Variants in CFAP299 observed in about 807,000 individuals in gnomAD.
CFAP299 encodes cilia- and flagella-associated protein 299.
CFAP299 carries 21 observed loss-of-function variants against 27.0 expected under a neutral mutation model. The observed-to-expected ratio is 0.78, with a 90% CI of 0.55 to 1.12. The LOEUF (loss-of-function observed/expected upper bound fraction) is 1.12. Ranked by LOEUF, CFAP299 falls within the 50% of genes most tolerant of loss-of-function variation. CFAP299 has a pLI of 0.00. For synonymous variants in CFAP299, 104 were observed against 98.1 expected, an observed-to-expected ratio of 1.06 and a Z score of -0.36; for missense variants, 310 against 276.6, an observed-to-expected ratio of 1.12 and a Z score of -0.86.
chr4:80,808,394 A>G (rs547390640), intron 3 of CFAP299, among the ~76,000 whole-genome samples: 2 of 152,264 alleles, frequency 1.3e-5, no homozygotes, highest in Middle Eastern at 3.4e-3. Flanking sequence ...AATACTAAAC[A>G]TAGCGCTGTG....
intron 4 of CFAP299, among the ~76,000 whole-genome samples, chr4:80,928,251 C>A (rs547347580): frequency 4.9e-4 from 75 of 152,214 alleles, no homozygotes; most frequent in African/African-American, 1.5e-3. Flanking sequence ...ACCACAGGCA[C>A]AGCCACAGTG....
At chr4:80,899,051 A>C (rs748730520) in intron 4 of CFAP299, among the ~76,000 whole-genome samples, 4 of 152,234 alleles carry the variant, frequency 2.6e-5, no homozygotes, top group African/African-American at 4.8e-5. Context: ...TGGATTTAAC[A>C]GTCTCTGCCC....
At chr4:80,674,379 C>T (rs951983361) in intron 3 of CFAP299, among the ~76,000 whole-genome samples, 2 of 152,056 alleles carry the variant, frequency 1.3e-5, no homozygotes, top group Non-Finnish European at 2.9e-5. Context: ...TAGAGTTTCT[C>T]CCAAGTGATC....
At chr4:80,875,309 C>G (rs776777141) in intron 4 of CFAP299, among the ~76,000 whole-genome samples, 4 of 152,142 alleles carry the variant, frequency 2.6e-5, no homozygotes, top group Non-Finnish European at 5.9e-5. Context: ...GTCAATGTTT[C>G]AGAAACAAAA....
At chr4:80,337,644 G>A (rs996480516) in intron 1 of CFAP299, among the ~76,000 whole-genome samples, 2 of 151,722 alleles carry the variant, frequency 1.3e-5, no homozygotes, top group Admixed American at 6.6e-5. Flanking sequence ...GTGATCCACC[G>A]GCCTCAGCCT....
intron 3 of CFAP299, among the ~76,000 whole-genome samples, chr4:80,760,476 G>T (rs1725487961): frequency 1.3e-5 from 2 of 152,114 alleles, no homozygotes; most frequent in South Asian, 2.1e-4. Flanking sequence ...TGTGCAAATT[G>T]TTCTCACACT....
intron 3 of CFAP299, among the ~76,000 whole-genome samples, chr4:80,733,623 CT>C (rs1229382500): frequency 6.6e-6 from 1 of 152,082 alleles, no homozygotes; most frequent in Non-Finnish European, 1.5e-5. Context: ...TCCCACTACT[CT>C]TCCCAGCCTC....
intron 3 of CFAP299, among the ~76,000 whole-genome samples, chr4:80,665,429 G>A (rs1741099470): frequency 6.6e-6 from 1 of 151,862 alleles, no homozygotes; most frequent in African/African-American, 2.4e-5. Flanking sequence ...CTAAAACTTT[G>A]TAACTTTTCA....
chr4:80,867,320 T>A (rs1578199078), intron 3 of CFAP299, among the ~76,000 whole-genome samples: 1 of 152,214 alleles, frequency 6.6e-6, no homozygotes, highest in Non-Finnish European at 1.5e-5. Context: ...TGTATGTTTT[T>A]TGATCACTTA....
intron 4 of CFAP299, among the ~76,000 whole-genome samples, chr4:80,900,192 A>G (rs11736970): frequency 0.048 from 7,170 of 149,574 alleles, 524 homozygotes; most frequent in African/African-American, 0.15. Flanking sequence ...AGTAGTCTAT[A>G]ACGGAAATGT....
chr4:80,950,576 A>C (rs17005010), intron 5 of CFAP299, among the ~76,000 whole-genome samples: 3,340 of 152,234 alleles, frequency 0.022, 140 homozygotes, highest in African/African-American at 0.076. Flanking sequence ...GTGTTCTGAT[A>C]GGAAGAAAAA....
intron 2 of CFAP299, among the ~76,000 whole-genome samples, chr4:80,576,196 AAATATAT>A (rs1206032903): frequency 2.6e-4 from 34 of 132,372 alleles, no homozygotes; most frequent in East Asian, 4.1e-4. Flanking sequence ...ATAAAAAAAA[AAATATAT>A]ATATATATAT....
chr4:80,422,001 T>G (rs1011920605), intron 2 of CFAP299, among the ~76,000 whole-genome samples: 1 of 152,232 alleles, frequency 6.6e-6, no homozygotes, highest in African/African-American at 2.4e-5. Context: ...AGGGTAGTTT[T>G]GTTTTTTATT....
intron 2 of CFAP299, among the ~76,000 whole-genome samples, chr4:80,498,007 G>C (rs934367006): frequency 6.6e-6 from 1 of 152,060 alleles, no homozygotes; most frequent in Non-Finnish European, 1.5e-5. Context: ...AAGCAGTGAG[G>C]AAAAGATTCC....
chr4:80,626,337 A>G (rs1359427718), intron 3 of CFAP299, among the ~76,000 whole-genome samples: 1 of 151,972 alleles, frequency 6.6e-6, no homozygotes, highest in Non-Finnish European at 1.5e-5. Context: ...AAGACAAATG[A>G]AAATTGAATC....
At chr4:80,557,515 G>A (rs1018981161) in intron 2 of CFAP299, among the ~76,000 whole-genome samples, 1 of 152,000 alleles carries the variant, frequency 6.6e-6, no homozygotes, top group Non-Finnish European at 1.5e-5. Context: ...AAATTAAAAC[G>A]CTGTGATTTA....
chr4:80,831,452 C>T (rs1393862997), intron 3 of CFAP299, among the ~76,000 whole-genome samples: 1 of 152,046 alleles, frequency 6.6e-6, no homozygotes, highest in Non-Finnish European at 1.5e-5. Flanking sequence ...TCTTAAACTT[C>T]CCAACGAGGC....
At chr4:80,723,604 T>G (rs534239787) in intron 3 of CFAP299, among the ~76,000 whole-genome samples, 2 of 152,114 alleles carry the variant, frequency 1.3e-5, no homozygotes, top group African/African-American at 4.8e-5. Context: ...ATACATTACA[T>G]AGAGAGAAAT....
intron 3 of CFAP299, among the ~76,000 whole-genome samples, chr4:80,699,844 A>G (rs932944878): frequency 1.3e-5 from 2 of 152,178 alleles, no homozygotes; most frequent in Non-Finnish European, 2.9e-5. Flanking sequence ...TTGAAGAAGT[A>G]GGCAATGGCT....
Sources: allele counts gnomAD v4.1 joint callset (sites outside exome capture counted in the v4.1 genomes callset), GRCh38; gene constraint gnomAD v4.1.1; transcripts MANE v1.5; gene names NCBI Gene and HGNC (gene_info 2026-07-23, HGNC 2026-07-21).